The following SATB1 variants were observed in gnomAD, a reference collection of about 807,000 sequenced individuals.
SATB1 encodes DNA-binding protein SATB1.
A neutral mutation model predicts 86.9 loss-of-function variants in SATB1; 11 were observed. The observed-to-expected ratio is 0.13, with a 90% CI of 0.08 to 0.21. The LOEUF is 0.21. Ranked by LOEUF, SATB1 falls within the 10% of genes least tolerant of loss-of-function variation. SATB1 has a pLI of 1.00. For synonymous variants in SATB1, 357 were observed against 357.2 expected, an observed-to-expected ratio of 1.00 and a Z score of 0.01; for missense variants, 551 against 937.6, an observed-to-expected ratio of 0.59 and a Z score of 5.39.
chr3:18,433,627 AT>A (rs902160017), intron 2 of SATB1, among the ~76,000 whole-genome samples: 10 of 152,134 alleles, frequency 6.6e-5, no homozygotes, highest in Admixed American at 2.0e-4. Flanking sequence ...TCGTATCTGT[AT>A]TTTTTTCTTA....
chr3:18,378,381 C>G, intron 8 of SATB1, 56 bp from the exon 9 acceptor site: 16 of 1,566,082 alleles, frequency 1.0e-5, no homozygotes, highest in East Asian at 2.3e-5. Context: ...TGTTTTGAAG[C>G]TTCTCAGGCT....
intron 10 of SATB1, chr3:18,351,318 G>A: frequency 6.5e-7 from 1 of 1,544,490 alleles, no homozygotes; most frequent in Non-Finnish European, 8.7e-7. Context: ...CTCACCTGAG[G>A]AGCAGCACCG....
intron 5 of SATB1, among the ~76,000 whole-genome samples, chr3:18,413,050 TTG>T (rs1697938576): frequency 6.6e-6 from 1 of 152,094 alleles, no homozygotes; most frequent in Non-Finnish European, 1.5e-5. Context: ...GATGTTGATA[TTG>T]TAGCCTAGTT....
At chr3:18,443,478 G>A (rs1699294056), upstream of SATB1, among the ~76,000 whole-genome samples, 1 of 152,208 alleles carries the variant, frequency 6.6e-6, no homozygotes, top group Admixed American at 6.5e-5. The surrounding 1 kb of genome is among the most constrained non-coding windows in gnomAD (Gnocchi z 4.4). Flanking sequence ...TGCCAACCAG[G>A]ACACTTTGAG....
At chr3:18,357,570 A>C (rs565437504) in intron 9 of SATB1, among the ~76,000 whole-genome samples, 2 of 146,870 alleles carry the variant, frequency 1.4e-5, no homozygotes, top group African/African-American at 5.0e-5. Context: ...TTTTAAATAA[A>C]GCTGTCGGCA....
At chr3:18,423,439 C>G (rs1278868526) in intron 1 of SATB1, among the ~76,000 whole-genome samples, 188 bp downstream of exon 1, 2 of 152,144 alleles carry the variant, frequency 1.3e-5, no homozygotes, top group African/African-American at 2.4e-5. Flanking sequence ...TGGATCGCCT[C>G]CTTCGCCCCC....
chr3:18,439,738 G>A (rs760711003), upstream of SATB1, among the ~76,000 whole-genome samples: 5 of 152,104 alleles, frequency 3.3e-5, no homozygotes, highest in Admixed American at 6.5e-5. Flanking sequence ...AAGTGTAACC[G>A]CTTTTTAGAT....
At chr3:18,370,214 G>A (rs1295629029) in intron 9 of SATB1, among the ~76,000 whole-genome samples, 1 of 152,096 alleles carries the variant, frequency 6.6e-6, no homozygotes, top group Non-Finnish European at 1.5e-5. Context: ...AGCATATTTT[G>A]GAATGATAAG....
chr3:18,364,741 A>C (rs1575094346), intron 9 of SATB1, among the ~76,000 whole-genome samples: 1 of 152,262 alleles, frequency 6.6e-6, no homozygotes, highest in East Asian at 1.9e-4. Context: ...ACACACACAC[A>C]CACGTACGTA....
chr3:18,349,539 G>A lies in SATB1; in HGVS notation c.1923C>T (p.Asn641=), dbSNP rs1694238123. The change falls in exon 11 of 11, where the codon AAC becomes AAT. Residue 641 remains asparagine (N), a synonymous_variant. Transcript: ENST00000338745. The surrounding 1 kb of genome is among the most constrained non-coding windows in gnomAD (Gnocchi z 5.5). ...VASPAESDEE[N]RQKTRPRTKI... ...TTGTTCGTGGCCGGGTCTTCTGTCGGTTTTCCTCATCTGACTCTGCTGGAG... is the reference window on the plus strand; with the variant it reads ...TTGTTCGTGGCCGGGTCTTCTGTCGATTTTCCTCATCTGACTCTGCTGGAG... The A allele has an allele frequency of 6.2e-7, 1 of 1,613,964 alleles. No homozygotes were observed. The highest frequency in any genetic ancestry group is 8.5e-7 in the Non-Finnish European group (1 of 1,180,028).
upstream of SATB1, among the ~76,000 whole-genome samples, chr3:18,440,271 G>A (rs1238947546): frequency 6.6e-6 from 1 of 152,166 alleles, no homozygotes; most frequent in South Asian, 2.1e-4. Context: ...GGTATGCAAA[G>A]TAAAAGTGCA....
At chr3:18,360,832 A>G (rs563522751) in intron 9 of SATB1, among the ~76,000 whole-genome samples, 57 of 152,246 alleles carry the variant, frequency 3.7e-4, no homozygotes, top group Admixed American at 1.6e-3. Context: ...CACATTTGGG[A>G]AAACCTGGAA....
At chr3:18,445,167 C>A in intron 1 of SATB1, 1 of 938,192 alleles carries the variant, frequency 1.1e-6, no homozygotes, top group Non-Finnish European at 1.3e-6. Flanking sequence ...GGCTGGCCAG[C>A]GGGGCGGCCA....
At chr3:18,361,138 G>A (rs1694888170) in intron 9 of SATB1, among the ~76,000 whole-genome samples, 1 of 152,058 alleles carries the variant, frequency 6.6e-6, no homozygotes, top group Admixed American at 6.6e-5. Flanking sequence ...ATACTACTTA[G>A]TTACTGTAAC....
At chr3:18,435,260 G>C (rs1425624801) in intron 2 of SATB1, 1 of 151,858 alleles carries the variant, frequency 6.6e-6, no homozygotes, top group African/African-American at 2.4e-5. Context: ...AAAAGATACA[G>C]AGACAGGAGA....
chr3:18,425,899 G>C (rs1698680697), upstream of SATB1, among the ~76,000 whole-genome samples: 1 of 151,614 alleles, frequency 6.6e-6, no homozygotes, highest in South Asian at 2.1e-4. Flanking sequence ...AGGGCCAGGG[G>C]AGAAAACTAA....
chr3:18,380,498 T>C (rs11128887), intron 8 of SATB1, among the ~76,000 whole-genome samples: 34,526 of 151,890 alleles, frequency 0.23, 4,329 homozygotes, highest in Non-Finnish European at 0.26. Context: ...TTTTAAAAAA[T>C]CATTTCCTAG....
In SATB1 at chr3:18,346,792, C is replaced by T. The variant is rs1375649350; in HGVS notation, c.*2378G>A. On this transcript the variant is annotated 3_prime_UTR_variant, in exon 11 of 11. Transcript: ENST00000338745. ...TTATTAGGAATTGGAAAGTTATTTGCAACCCAAACTTAGGGGATATAAGGA... is the reference window on the plus strand; with the variant it reads ...TTATTAGGAATTGGAAAGTTATTTGTAACCCAAACTTAGGGGATATAAGGA... The T allele has an allele frequency of 6.6e-6, 1 of 152,074 alleles. No homozygotes were observed. Among genetic ancestry groups the T allele is most frequent in the African/African-American group, 2.4e-5 (1 of 41,418 alleles). 9.4% of individuals were successfully genotyped at this position (152,074 alleles called of 1,614,324 possible). A position where few individuals can be genotyped will look rare whatever the true frequency, so the allele number is the denominator to read the frequency against.
intron 9 of SATB1, among the ~76,000 whole-genome samples, chr3:18,366,328 C>T (rs1267401952): frequency 6.6e-6 from 1 of 151,846 alleles, no homozygotes; most frequent in Non-Finnish European, 1.5e-5. Context: ...CTCCCTATCT[C>T]CCTAATCTCT....
Sources: gnomAD v4.1 joint callset for allele counts (sites outside exome capture counted in the v4.1 genomes callset) on GRCh38, gnomAD v4.1.1 for gene constraint, Gnocchi (gnomAD v3.1) non-coding constraint, MANE v1.5 for transcripts, NCBI Gene and HGNC (gene_info 2026-07-23, HGNC 2026-07-21) for gene names.